TRHDE: variants seen among roughly 807,000 people sequenced by gnomAD.
The protein encoded by TRHDE is thyrotropin releasing hormone degrading enzyme.
In TRHDE, 72 loss-of-function variants were observed where a neutral mutation model predicts 125.7. The ratio of observed to expected loss-of-function variants is 0.57; its 90% CI spans 0.47 to 0.70. TRHDE has a LOEUF of 0.70. TRHDE is among the 30% of genes least tolerant of loss of function. The probability of loss-of-function intolerance (pLI) is 0.00; values close to 1 mark genes in which losing one functional copy is unlikely to be tolerated. For missense variants in TRHDE, 1,110 were observed against 1,327.1 expected (o/e 0.84, Z 2.54); for synonymous variants, 509 against 509.1 (o/e 1.00, Z 0.00).
At chr12:72,110,517 G>T (rs1216153695) in intron 2 of TRHDE, among the ~76,000 whole-genome samples, 1 of 152,002 alleles carries the variant, frequency 6.6e-6, no homozygotes, top group Non-Finnish European at 1.5e-5. Flanking sequence ...TTTTCTGTCT[G>T]TTGTGAATTT....
chr12:72,121,535 C>T (rs549472128), intron 2 of TRHDE, among the ~76,000 whole-genome samples: 1 of 152,276 alleles, frequency 6.6e-6, no homozygotes, highest in South Asian at 2.1e-4. Flanking sequence ...AATCACTGTG[C>T]TCTCTTTCCT....
In TRHDE at chr12:72,637,349, A is replaced by C. The variant is rs191521793; in HGVS notation, c.2676-14973A>C. ...GTATTTCTGTGGGATTGGTGGTGAT[A>C]TCCCCTTTATCATCTTTTATTGCAT... is the stretch of plus-strand genomic sequence containing the variant. On this transcript the variant is annotated intron_variant, in intron 15 of 18. Coordinates refer to ENST00000261180, the MANE Select transcript of TRHDE (RefSeq NM_013381.3). Among the ~76,000 whole-genome samples, 4 of 152,196 alleles carry C rather than the reference A, an allele frequency of 2.6e-5. No individual in the cohort carries two copies. In the South Asian group the frequency reaches 8.3e-4, roughly 32 times the overall value.
intron 3 of TRHDE, among the ~76,000 whole-genome samples, chr12:72,462,314 A>G (rs1484922439): frequency 1.3e-5 from 2 of 152,180 alleles, no homozygotes; most frequent in South Asian, 2.1e-4. Context: ...CATAGAGCCC[A>G]TCTGTGAATC....
At chr12:72,392,423 C>T (rs1366501377) in intron 3 of TRHDE, among the ~76,000 whole-genome samples, 4 of 151,224 alleles carry the variant, frequency 2.6e-5, no homozygotes, top group Non-Finnish European at 3.0e-5. Flanking sequence ...ATATCTTTTA[C>T]TCTGTGTCAT....
chr12:72,645,315 G>C (rs1431546855), intron 15 of TRHDE, among the ~76,000 whole-genome samples: 1 of 152,006 alleles, frequency 6.6e-6, no homozygotes, highest in Admixed American at 6.6e-5. Flanking sequence ...ACACAATAAC[G>C]TAACTGAAAA....
At chr12:72,173,981 T>C (rs1048447476) in intron 2 of TRHDE, among the ~76,000 whole-genome samples, 2 of 152,218 alleles carry the variant, frequency 1.3e-5, no homozygotes, top group African/African-American at 4.8e-5. Flanking sequence ...ATTTTGATGC[T>C]CTTCCTATCA....
chr12:72,155,260 C>A (rs1190051696), intron 2 of TRHDE, among the ~76,000 whole-genome samples: 1 of 152,104 alleles, frequency 6.6e-6, no homozygotes, highest in Non-Finnish European at 1.5e-5. Context: ...CCTTTAAGGA[C>A]CTCTCTGCAT....
chr12:72,254,880 C>T (rs868667120), intron 2 of TRHDE: 3 of 152,132 alleles, frequency 2.0e-5, no homozygotes, highest in African/African-American at 4.8e-5. Flanking sequence ...CTATAAATAA[C>T]TCTTCCCCCA....
chr12:72,212,857 G>A (rs1877811408), intron 2 of TRHDE, among the ~76,000 whole-genome samples: 1 of 152,090 alleles, frequency 6.6e-6, no homozygotes. Context: ...ATGAAAACAT[G>A]TATCCACACA....
At chr12:72,142,629 A>G (rs964039809) in intron 2 of TRHDE, among the ~76,000 whole-genome samples, 5 of 152,276 alleles carry the variant, frequency 3.3e-5, no homozygotes, top group Middle Eastern at 6.8e-3. Flanking sequence ...TTCATGCCCA[A>G]AAAGTTGCCT....
At chr12:72,297,523 C>T (rs939626398) in intron 2 of TRHDE, among the ~76,000 whole-genome samples, 3 of 152,100 alleles carry the variant, frequency 2.0e-5, no homozygotes, top group Non-Finnish European at 4.4e-5. Flanking sequence ...GAGAGGTGAT[C>T]CTGAACAGGT....
chr12:72,371,025 G>T (rs186587981), intron 2 of TRHDE, among the ~76,000 whole-genome samples: 1 of 152,106 alleles, frequency 6.6e-6, no homozygotes, highest in Non-Finnish European at 1.5e-5. Context: ...GATTACAGGC[G>T]TGAGCCACTG....
At chr12:72,574,296 G>GA (rs1289659725) in intron 10 of TRHDE, among the ~76,000 whole-genome samples, 6 of 152,048 alleles carry the variant, frequency 3.9e-5, no homozygotes, top group African/African-American at 1.4e-4. Flanking sequence ...TTTCTGTGAT[G>GA]CCTTTTATGG....
intron 2 of TRHDE, among the ~76,000 whole-genome samples, chr12:72,346,624 A>AT (rs1179015523): frequency 6.6e-6 from 1 of 151,976 alleles, no homozygotes; most frequent in African/African-American, 2.4e-5. Context: ...CTGCAGCTGG[A>AT]TTTTTTTGTT....
upstream of TRHDE, among the ~76,000 whole-genome samples, chr12:72,271,243 C>G (rs1371351325): frequency 2.0e-5 from 3 of 152,176 alleles, no homozygotes; most frequent in Non-Finnish European, 4.4e-5. Context: ...CTGGACACAT[C>G]GCACAGTATA....
At chr12:72,111,369 T>C (rs1875310762) in intron 2 of TRHDE, among the ~76,000 whole-genome samples, 1 of 152,124 alleles carries the variant, frequency 6.6e-6, no homozygotes, top group Non-Finnish European at 1.5e-5. Context: ...CAGTTTCTCA[T>C]ACTATTTAAC....
chr12:72,356,123 G>T (rs1386027886), intron 2 of TRHDE, among the ~76,000 whole-genome samples: 1 of 151,664 alleles, frequency 6.6e-6, no homozygotes. Context: ...CAATAGAAAA[G>T]ACATGGGATC....
chr12:72,429,496 A>G (rs1874349403), intron 3 of TRHDE, among the ~76,000 whole-genome samples: 2 of 152,078 alleles, frequency 1.3e-5, no homozygotes, highest in Middle Eastern at 3.4e-3. Context: ...ATATTCATGT[A>G]CGTGTTATTC....
chr12:72,664,965 C>T lies in TRHDE; in HGVS notation c.*1770C>T, dbSNP rs1875060483. The T allele has an allele frequency of 6.6e-6, 1 of 151,964 alleles. No individual in the cohort carries two copies. The highest frequency in any genetic ancestry group is 1.5e-5 in the Non-Finnish European group (1 of 67,956). 9.4% of individuals were successfully genotyped at this position (151,964 alleles called of 1,614,324 possible). A position where few individuals can be genotyped will look rare whatever the true frequency, so the allele number is the denominator to read the frequency against. ...AAATACATGAATTTTAAATATTTTA[C>T]ATGATGTGAATAGGCATGATAATAC... On this transcript the variant is annotated 3_prime_UTR_variant, in exon 19 of 19. Coordinates refer to ENST00000261180, the MANE Select transcript of TRHDE (RefSeq NM_013381.3).
Sources: gnomAD v4.1 joint callset for allele counts (sites outside exome capture counted in the v4.1 genomes callset) on GRCh38, gnomAD v4.1.1 for gene constraint, MANE v1.5 for transcripts, NCBI Gene and HGNC (gene_info 2026-07-23, HGNC 2026-07-21) for gene names.